ZSWIM2: variants seen among roughly 807,000 people sequenced by gnomAD.
The protein encoded by ZSWIM2 is E3 ubiquitin-protein ligase ZSWIM2.
A neutral mutation model predicts 48.4 loss-of-function variants in ZSWIM2; 38 were observed. That is an observed-to-expected ratio of 0.79 (90% confidence interval 0.61 to 1.03). The LOEUF is 1.03. Ranked by LOEUF, ZSWIM2 falls within the 50% of genes least tolerant of loss-of-function variation. The pLI, the probability that ZSWIM2 is intolerant of heterozygous loss-of-function variation, is 0.00. For missense variants in ZSWIM2, 776 were observed against 730.2 expected, an observed-to-expected ratio of 1.06 and a Z score of -0.72; for synonymous variants, 240 against 251.3, an observed-to-expected ratio of 0.96 and a Z score of 0.42.
At chr2:186,846,806 C>CATATATATATATATAT (rs1388154833) in intron 2 of ZSWIM2, among the ~76,000 whole-genome samples, 175 of 43,300 alleles carry the variant, frequency 4.0e-3, no homozygotes, top group African/African-American at 0.015. Context: ...TACACACACA[C>CATATATATATATATAT]ACACATATAT....
At chr2:186,836,560 G>A (rs1016999529) in intron 5 of ZSWIM2, among the ~76,000 whole-genome samples, 2 of 151,912 alleles carry the variant, frequency 1.3e-5, no homozygotes, top group African/African-American at 4.8e-5. Context: ...ATTAGATTGG[G>A]CTCATCATAA....
intron 1 of ZSWIM2, 34 bp from the exon 2 acceptor site, chr2:186,847,829 G>A (rs1412448211): frequency 4.6e-6 from 7 of 1,530,904 alleles, no homozygotes; most frequent in African/African-American, 1.4e-5. Context: ...AAAAAGACCA[G>A]TAAAATTTGA....
rs1691634851 is a variant in ZSWIM2 at position 186,828,310 on chromosome 2, T to C, written c.1576A>G (p.Thr526Ala). 3 of 1,613,758 alleles carry C rather than the reference T, an allele frequency of 1.9e-6. No individual in the cohort carries two copies. The highest frequency in any genetic ancestry group is 1.7e-6 in the Non-Finnish European group (2 of 1,179,828). ...PIVHKNIVCPTAMESPCISGK... is the reference protein window; with the variant it reads ...PIVHKNIVCPAAMESPCISGK... ...CTGATGCATGGACTTTCCATTGCAGTGGGACACACAATATTCTTATGAACA... is the reference window on the plus strand; with the variant it reads ...CTGATGCATGGACTTTCCATTGCAGCGGGACACACAATATTCTTATGAACA... The change falls in exon 9 of 9, where the codon ACT becomes GCT. Residue 526 changes from threonine to alanine, a missense_variant. By Grantham distance (58) the Thr-to-Ala change is moderately conservative. Coordinates refer to ENST00000295131, the MANE Select transcript of ZSWIM2 (RefSeq NM_182521.3).
chr2:186,839,975 T>C (rs1383768113), intron 3 of ZSWIM2, among the ~76,000 whole-genome samples: 1 of 151,650 alleles, frequency 6.6e-6, no homozygotes, highest in Non-Finnish European at 1.5e-5. Flanking sequence ...ATTGATTTTA[T>C]GTATCTTTTT....
rs1398111173 is a variant in ZSWIM2, at chr2:186,827,814, A to ATAAGT, written c.*165_*169dup. ...GAAGACACCTAATGCTGTAAGTCAT[A>ATAAGT]TAAGTAATAGAATCATTTCCTTTAA... is the stretch of plus-strand genomic sequence containing the variant. On this transcript the variant is annotated 3_prime_UTR_variant, in exon 9 of 9. Transcript: ENST00000295131. The ATAAGT allele has an allele frequency of 2.1e-6, 1 of 474,734 alleles. No individual in the cohort carries two copies. The highest frequency in any genetic ancestry group is 2.0e-5 in the African/African-American group (1 of 50,874). 29.4% of individuals were successfully genotyped at this position (474,734 alleles called of 1,614,324 possible).
In ZSWIM2 at chr2:186,828,476, T is replaced by C; in HGVS notation, c.1410A>G (p.Leu470=). 6.2e-7 allele frequency: 1 copy of C among 1,613,492 alleles called. No homozygotes were observed. The highest frequency in any genetic ancestry group is 1.3e-5 in the African/African-American group (1 of 75,002). ...DAYENTTIDN[L]CSIKLDNSNS... ...TTGAATTATCTAATTTGATAGAGCA[T>C]AGATTATCTATTGTTGTATTTTCAT... The change falls in exon 9 of 9, where the codon CTA becomes CTG. Residue 470 remains leucine (L), a synonymous_variant. Transcript: ENST00000295131.
rs1461672182 is a variant in ZSWIM2 at position 186,848,948 on chromosome 2, G to C, written c.165+18C>G. Reference sequence around the variant, plus strand: ...GCGGGGATGATGGCCAACTGGGGGCGGTAGGGGCGGTAGTTACTCGGAAAT... The same window carrying C: ...GCGGGGATGATGGCCAACTGGGGGCCGTAGGGGCGGTAGTTACTCGGAAAT... On this transcript the variant is annotated intron_variant, in intron 1 of 8. Coordinates refer to ENST00000295131, the MANE Select transcript of ZSWIM2 (RefSeq NM_182521.3). 1.9e-6 allele frequency: 3 copies of C among 1,613,456 alleles called. No individual in the cohort carries two copies. The highest frequency in any genetic ancestry group is 1.7e-5 in the Admixed American group (1 of 59,972).
intron 5 of ZSWIM2, among the ~76,000 whole-genome samples, chr2:186,835,167 AT>A (rs1302255705): frequency 2.0e-5 from 3 of 152,064 alleles, no homozygotes; most frequent in East Asian, 1.9e-4. Context: ...AAATTATATT[AT>A]TTTTTCCCCA....
In ZSWIM2 at chr2:186,847,435, G is replaced by A. The variant is rs112170901; in HGVS notation, c.242+284C>T. ...GTGATGGGATCAGGATTTTTCCCCC[G>A]TTTTATAGTTAGATTTCACATTTGT... On this transcript the variant is annotated intron_variant, in intron 2 of 8. Coordinates refer to ENST00000295131, the MANE Select transcript of ZSWIM2 (RefSeq NM_182521.3). 5.3e-3 allele frequency among the ~76,000 whole-genome samples: 799 copies of A among 151,952 alleles called. 7 individuals carry two copies. The highest frequency in any genetic ancestry group is 0.018 in the African/African-American group (736 of 41,466).
chr2:186,835,362 CAAGTA>C (rs1475196068), intron 5 of ZSWIM2, among the ~76,000 whole-genome samples: 1 of 152,064 alleles, frequency 6.6e-6, no homozygotes, highest in Non-Finnish European at 1.5e-5. Flanking sequence ...GAGCAGTAGT[CAAGTA>C]AACTTATTAT....
At position 186,829,786 on chromosome 2, in the gene ZSWIM2, G is replaced by T; in HGVS notation, c.1036C>A (p.Leu346Ile). The change falls in exon 8 of 9, where the codon CTT becomes ATT. Residue 346 changes from leucine (L) to isoleucine (I), a missense_variant. By Grantham distance (5) the Leu-to-Ile change is conservative. Transcript: ENST00000295131. ...CCAAGATGAAATGCCTTCAAACAAA[G>T]TAGACACTGGTAGCCTGGAGCAAGC... is the stretch of plus-strand genomic sequence containing the variant. ...KLLAPGYQCL[L>I]CLKAFHLGQH... 1 of 1,613,636 alleles carries T rather than the reference G, an allele frequency of 6.2e-7. No homozygotes were observed. Among genetic ancestry groups the T allele is most frequent in the South Asian group, 1.1e-5 (1 of 91,058 alleles).
At chr2:186,833,811 T>C in intron 6 of ZSWIM2, 135 bp downstream of exon 6, 1 of 575,248 alleles carries the variant, frequency 1.7e-6, no homozygotes, top group Non-Finnish European at 2.9e-6. Context: ...CTCCTAAAAA[T>C]ATGGCTTTAG....
chr2:186,836,293 G>A (rs10181270), intron 5 of ZSWIM2, among the ~76,000 whole-genome samples: 24,889 of 151,910 alleles, frequency 0.16, 2,849 homozygotes, highest in African/African-American at 0.33. Context: ...AATCCTCTTT[G>A]ACCAACATTC....
chr2:186,831,248 C>T (rs926397251), intron 7 of ZSWIM2, among the ~76,000 whole-genome samples: 9 of 152,016 alleles, frequency 5.9e-5, no homozygotes, highest in South Asian at 2.1e-4. Flanking sequence ...GCTCATTTTA[C>T]GCCCCACAAG....
In ZSWIM2 at chr2:186,836,616, AT is replaced by A. The variant is rs1574139441; in HGVS notation, c.743+689del. 3.9e-5 allele frequency among the ~76,000 whole-genome samples: 6 copies of A among 152,272 alleles called. No individual in the cohort carries two copies. In the East Asian group the frequency reaches 1.2e-3, roughly 29 times the overall value. On this transcript the variant is annotated intron_variant, in intron 5 of 8. Transcript: ENST00000295131. ...AAATAAACTGATACATTTCAAAAAAATGTGACAAAGATTGAAATAATGTTTT... is the reference window on the plus strand; with the variant it reads ...AAATAAACTGATACATTTCAAAAAAAGTGACAAAGATTGAAATAATGTTTT...
Position 186,849,140 on chromosome 2 carries a change from G to C in ZSWIM2, c.-10C>G, listed in dbSNP as rs776500467. The C allele has an allele frequency of 1.9e-6, 3 of 1,601,948 alleles. No individual in the cohort carries two copies. Among genetic ancestry groups the C allele is most frequent in the Admixed American group, 3.4e-5 (2 of 59,588 alleles). ...AGCCTCGGCGAAGCATGCTGGGTGC[G>C]GGCGGAGGCGGCCCCTCTGCTCGGC... On this transcript the variant is annotated 5_prime_UTR_variant, in exon 1 of 9. Coordinates refer to ENST00000295131, the MANE Select transcript of ZSWIM2 (RefSeq NM_182521.3).
intron 1 of ZSWIM2, 121 bp downstream of exon 1, chr2:186,848,845 G>C (rs762945244): frequency 4.6e-6 from 6 of 1,304,170 alleles, no homozygotes; most frequent in East Asian, 2.3e-5. Flanking sequence ...GGCGCTTTCG[G>C]GGGTGAGGCA....
intron 2 of ZSWIM2, among the ~76,000 whole-genome samples, chr2:186,845,161 C>G (rs1388265596): frequency 1.3e-5 from 2 of 149,304 alleles, no homozygotes; most frequent in African/African-American, 5.0e-5. Flanking sequence ...ACCTCTCTAA[C>G]GCATGATATA....
At chr2:186,848,785 A>C (rs1260341257) in intron 1 of ZSWIM2, 181 bp downstream of exon 1, 2 of 717,764 alleles carry the variant, frequency 2.8e-6, no homozygotes, top group Non-Finnish European at 2.3e-6. Flanking sequence ...AATAAATACT[A>C]TTTCCTTCTG....
Sources: allele counts gnomAD v4.1 joint callset (sites outside exome capture counted in the v4.1 genomes callset), GRCh38; gene constraint gnomAD v4.1.1; transcripts MANE v1.5; gene names NCBI Gene and HGNC (gene_info 2026-07-23, HGNC 2026-07-21).